VWDE: variants seen among roughly 807,000 people sequenced by gnomAD.
The protein encoded by VWDE is von Willebrand factor D and EGF domain-containing protein.
In VWDE, 207 loss-of-function variants were observed where a neutral mutation model predicts 178.4. The ratio of observed to expected loss-of-function variants is 1.16; its 90% confidence interval spans 1.04 to 1.30. VWDE has a LOEUF of 1.30. Among genes scored for constraint, VWDE ranks in the 50% most tolerant of loss-of-function variants. The pLI is 0.00. For synonymous variants in VWDE, 738 were observed against 651.4 expected (o/e 1.13, Z -2.02); for missense variants, 2,287 against 1,901.3 (o/e 1.20, Z -3.77).
chr7:12,389,791 T>A (rs1784295497), intron 2 of VWDE, among the ~76,000 whole-genome samples: 1 of 152,180 alleles, frequency 6.6e-6, no homozygotes. Context: ...AATGCATAGT[T>A]CAGGAGGCAA....
At chr7:12,370,630 T>A (rs1180802019) in intron 11 of VWDE, 26 bp downstream of exon 11, 1 of 1,546,658 alleles carries the variant, frequency 6.5e-7, no homozygotes, top group Non-Finnish European at 8.7e-7. Context: ...ATTAATATAA[T>A]CGCAAGTGGA....
chr7:12,361,769 C>G (rs928861124), intron 13 of VWDE, among the ~76,000 whole-genome samples: 1 of 151,936 alleles, frequency 6.6e-6, no homozygotes, highest in African/African-American at 2.4e-5. Flanking sequence ...AAAGAAGTTA[C>G]CAATATTGGT....
chr7:12,362,541 G>C (rs1464735959), intron 13 of VWDE, among the ~76,000 whole-genome samples: 1 of 151,986 alleles, frequency 6.6e-6, no homozygotes, highest in Non-Finnish European at 1.5e-5. Context: ...TCCAGGTACG[G>C]ATAACTACGT....
At chr7:12,333,359 T>A (rs1562454615) in intron 28 of VWDE, 106 bp downstream of exon 28, 1 of 742,706 alleles carries the variant, frequency 1.3e-6, no homozygotes, top group East Asian at 2.9e-5. Flanking sequence ...ATGCTTTTTT[T>A]ATTTTGGAAA....
chr7:12,340,166 T>G (rs1295775282), intron 24 of VWDE, among the ~76,000 whole-genome samples, 156 bp downstream of exon 24: 1 of 152,218 alleles, frequency 6.6e-6, no homozygotes, highest in Admixed American at 6.5e-5. Context: ...TATATTTTTG[T>G]AAGCTAGTAA....
intron 24 of VWDE, among the ~76,000 whole-genome samples, chr7:12,337,542 C>T (rs1483443253): frequency 6.6e-6 from 1 of 152,006 alleles, no homozygotes; most frequent in Admixed American, 6.6e-5. Flanking sequence ...ATATTATAAA[C>T]CTTATGTTTC....
At position 12,357,489 on chromosome 7, in the gene VWDE, A is replaced by G. The variant is rs371102864; in HGVS notation, c.3301T>C (p.Leu1101=). 1 of 1,552,186 alleles carries G rather than the reference A, an allele frequency of 6.4e-7. No individual in the cohort carries two copies. The highest frequency in any genetic ancestry group is 8.7e-7 in the Non-Finnish European group (1 of 1,147,100). Residue 1101 remains leucine (L), a synonymous_variant, in exon 17 of 29, where the codon TTG becomes CTG. Coordinates refer to ENST00000275358, the MANE Select transcript of VWDE (RefSeq NM_001135924.3). ...TAAAATGTCTGTAATTTGTCTTGCAATGCTTGAATCACTGGGGGCTGGTTG... is the reference window on the plus strand; with the variant it reads ...TAAAATGTCTGTAATTTGTCTTGCAGTGCTTGAATCACTGGGGGCTGGTTG... ...ENNQPPVIQA[L]QDKLQTFYGE...
intron 1 of VWDE, among the ~76,000 whole-genome samples, chr7:12,397,186 G>A (rs189496016): frequency 9.7e-4 from 147 of 152,188 alleles, no homozygotes; most frequent in Non-Finnish European, 1.7e-3. Context: ...TAAGGCTACA[G>A]TAACTAAACA....
intron 24 of VWDE, among the ~76,000 whole-genome samples, chr7:12,339,512 C>G (rs1781213281): frequency 6.6e-6 from 1 of 152,094 alleles, no homozygotes. Flanking sequence ...CCCGTATATC[C>G]TGTGTTAGCG....
chr7:12,385,691 T>A (rs1255392375), intron 3 of VWDE, among the ~76,000 whole-genome samples: 1 of 152,190 alleles, frequency 6.6e-6, no homozygotes, highest in Non-Finnish European at 1.5e-5. Context: ...GTCATTTTTG[T>A]TTGCTATCTA....
intron 28 of VWDE, among the ~76,000 whole-genome samples, chr7:12,332,814 A>C (rs1224294542): frequency 5.9e-5 from 9 of 152,166 alleles, no homozygotes; most frequent in Non-Finnish European, 1.3e-4. Context: ...CAAGAAGAAA[A>C]TTTCTAATCA....
At chr7:12,387,188 T>C (rs556600428) in intron 3 of VWDE, among the ~76,000 whole-genome samples, 1 of 152,162 alleles carries the variant, frequency 6.6e-6, no homozygotes, top group Admixed American at 6.5e-5. Flanking sequence ...TTAGTTTCTA[T>C]AATCATGTAA....
chr7:12,342,364 A>G (rs1204305102), intron 22 of VWDE, among the ~76,000 whole-genome samples: 1 of 152,184 alleles, frequency 6.6e-6, no homozygotes, highest in Non-Finnish European at 1.5e-5. Context: ...AGAGAGGGAA[A>G]AAATAGAAAA....
intron 19 of VWDE, 104 bp downstream of exon 19, chr7:12,351,469 T>C: frequency 1.6e-6 from 2 of 1,243,092 alleles, no homozygotes; most frequent in Non-Finnish European, 1.1e-6. Flanking sequence ...CTTTAGGTGA[T>C]CTTTCTAAAA....
intron 15 of VWDE, among the ~76,000 whole-genome samples, chr7:12,360,497 A>G (rs1034681425): frequency 2.0e-5 from 3 of 152,242 alleles, no homozygotes; most frequent in Non-Finnish European, 4.4e-5. Flanking sequence ...AATAAATTTT[A>G]AACTTAGAAA....
rs1782220177 is a variant in VWDE at position 12,355,971 on chromosome 7, A to C, written c.3745+140T>G. ...ACAAAAACAAGGGATATGGATAGTA[A>C]TTATATTTGTAATAACTTTTATTAA... On this transcript the variant is annotated intron_variant, in intron 18 of 28. Transcript: ENST00000275358. 9.2e-6 allele frequency: 7 copies of C among 759,158 alleles called. No homozygotes were observed. The Admixed American group carries it at 1.8e-4, about 19-fold the overall frequency. The allele number at this position is 759,158 out of a possible 1,614,324, so 47.0% of individuals were successfully genotyped here. A position where few individuals can be genotyped will look rare whatever the true frequency, so the allele number is the denominator to read the frequency against.
chr7:12,334,225 A>T (rs1407802490), intron 27 of VWDE, among the ~76,000 whole-genome samples: 1 of 152,206 alleles, frequency 6.6e-6, no homozygotes, highest in African/African-American at 2.4e-5. Flanking sequence ...TAAGAGGGGA[A>T]GTAAAGGGAA....
intron 1 of VWDE, among the ~76,000 whole-genome samples, chr7:12,395,656 A>G (rs1283480309): frequency 6.6e-6 from 1 of 152,144 alleles, no homozygotes; most frequent in Admixed American, 6.5e-5. Flanking sequence ...TTAAATTCAT[A>G]TATTTTATAT....
In VWDE at chr7:12,361,395, C is replaced by A; in HGVS notation, c.3025G>T (p.Gly1009Trp). Residue 1009 changes from glycine to tryptophan, a missense_variant, in exon 14 of 29, where the codon GGG (glycine) becomes TGG (tryptophan). By Grantham distance (184) the Gly-to-Trp change is radical. Transcript: ENST00000275358. Reference sequence around the variant, plus strand: ...AACTGCCACTTCCCAGTTGGTTTCCCACCCACCAGATCCATGGTATCAAAC... The same window carrying A: ...AACTGCCACTTCCCAGTTGGTTTCCAACCCACCAGATCCATGGTATCAAAC... ...QQFDTMDLVGGKPTGKWQLKV... is the reference protein window; with the variant it reads ...QQFDTMDLVGWKPTGKWQLKV... 1 of 1,550,112 alleles carries A rather than the reference C, an allele frequency of 6.5e-7. No homozygotes were observed.
Sources: gnomAD v4.1 joint callset for allele counts (sites outside exome capture counted in the v4.1 genomes callset) on GRCh38, gnomAD v4.1.1 for gene constraint, MANE v1.5 for transcripts, NCBI Gene and HGNC (gene_info 2026-07-23, HGNC 2026-07-21) for gene names.